The following CLASP2 variants were observed in gnomAD, a reference collection of about 807,000 sequenced individuals.
CLASP2 encodes CLIP-associating protein 2.
A neutral mutation model predicts 194.4 loss-of-function variants in CLASP2; 47 were observed. That is an observed-to-expected ratio of 0.24 (90% CI 0.19 to 0.31). CLASP2 has a LOEUF of 0.31. Among genes scored for constraint, CLASP2 ranks in the 10% least tolerant of loss-of-function variants. The pLI is 1.00. For synonymous variants in CLASP2, 619 were observed against 633.5 expected (o/e 0.98, Z 0.34); for missense variants, 1,445 against 1,823.6 (o/e 0.79, Z 3.78).
intron 32 of CLASP2, 103 bp from the exon 33 acceptor site, chr3:33,539,045 T>C: frequency 3.6e-6 from 3 of 827,236 alleles, no homozygotes; most frequent in Non-Finnish European, 5.2e-6. Context: ...GATTAGAGAA[T>C]GTATATTCTC....
At chr3:33,685,111 C>T (rs1261672365) in intron 5 of CLASP2, among the ~76,000 whole-genome samples, 1 of 151,340 alleles carries the variant, frequency 6.6e-6, no homozygotes, top group South Asian at 2.1e-4. Context: ...GAGACCAAGG[C>T]TGGCGGTTCA....
chr3:33,557,395 G>A lies in CLASP2; in HGVS notation c.3009+1912C>T, dbSNP rs2154173502. 3.3e-5 allele frequency among the ~76,000 whole-genome samples: 5 copies of A among 151,432 alleles called. No individual in the cohort carries two copies. The Middle Eastern group carries it at 0.014, about 412-fold the overall frequency. On this transcript the variant is annotated intron_variant, in intron 29 of 38. Coordinates refer to ENST00000682230, the MANE Select transcript of CLASP2 (RefSeq NM_001365631.1). ...CTTTCAATGGACAGGGTCTCACTCT[G>A]TCTCTTAAAAAAAGAGGCTCCCAGG...
chr3:33,682,745 A>C (rs566811685), intron 6 of CLASP2, among the ~76,000 whole-genome samples: 3 of 152,318 alleles, frequency 2.0e-5, no homozygotes, highest in East Asian at 3.9e-4. Flanking sequence ...TTTTTAGTTG[A>C]ACAGGTTTTA....
intron 7 of CLASP2, among the ~76,000 whole-genome samples, chr3:33,658,570 T>C (rs2084716234): frequency 6.6e-6 from 1 of 152,248 alleles, no homozygotes; most frequent in Non-Finnish European, 1.5e-5. Context: ...AGAATTCTAC[T>C]TGTGTCAAAT....
Position 33,581,945 on chromosome 3 carries a change from G to C in CLASP2, c.2240-17C>G. Reference sequence around the variant, plus strand: ...TGCTTCGGGCTGGTGTGAAGCAACAGCAGCACACACAGTAAGGGAGAAAAC... The same window carrying C: ...TGCTTCGGGCTGGTGTGAAGCAACACCAGCACACACAGTAAGGGAGAAAAC... On this transcript the variant is annotated splice_polypyrimidine_tract_variant and intron_variant, in intron 22 of 38. Coordinates refer to ENST00000682230, the MANE Select transcript of CLASP2 (RefSeq NM_001365631.1). 6.4e-7 allele frequency: 1 copy of C among 1,553,584 alleles called. No individual in the cohort carries two copies. The highest frequency in any genetic ancestry group is 1.1e-5 in the South Asian group (1 of 89,268).
chr3:33,668,054 C>T (rs938125424), intron 6 of CLASP2, among the ~76,000 whole-genome samples: 1 of 152,072 alleles, frequency 6.6e-6, no homozygotes, highest in African/African-American at 2.4e-5. Flanking sequence ...CCCGTCTCTA[C>T]TAAAAGTACA....
At chr3:33,581,444 C>T (rs1222490873) in intron 23 of CLASP2, among the ~76,000 whole-genome samples, 1 of 152,130 alleles carries the variant, frequency 6.6e-6, no homozygotes, top group African/African-American at 2.4e-5. Context: ...GTTAACATTT[C>T]CGCTGAAAAA....
At chr3:33,717,638 G>A (rs2093359461) in intron 1 of CLASP2, among the ~76,000 whole-genome samples, 170 bp downstream of exon 1, 1 of 152,112 alleles carries the variant, frequency 6.6e-6, no homozygotes, top group South Asian at 2.1e-4. Context: ...TGTTGGTCAG[G>A]CTGGTCTCGA....
intron 20 of CLASP2, among the ~76,000 whole-genome samples, chr3:33,594,404 T>C (rs533521279): frequency 6.6e-6 from 1 of 152,164 alleles, no homozygotes; most frequent in East Asian, 1.9e-4. Flanking sequence ...AAAAATTATT[T>C]TTAAGGTGAA....
intron 24 of CLASP2, among the ~76,000 whole-genome samples, chr3:33,575,789 A>G (rs2064746328): frequency 1.3e-5 from 2 of 152,130 alleles, no homozygotes; most frequent in South Asian, 4.1e-4. Context: ...TAAAATACTA[A>G]ACAAAATCCA....
intron 8 of CLASP2, among the ~76,000 whole-genome samples, chr3:33,644,172 A>G (rs141021778): frequency 3.9e-5 from 6 of 152,292 alleles, no homozygotes; most frequent in Non-Finnish European, 4.4e-5. Context: ...TTCTAATATG[A>G]TCAATGAATA....
In CLASP2 at chr3:33,560,702, C is replaced by G. The variant is rs997102415; in HGVS notation, c.2930+106G>C. On this transcript the variant is annotated intron_variant, in intron 28 of 38. Coordinates refer to ENST00000682230, the MANE Select transcript of CLASP2 (RefSeq NM_001365631.1). ...TAACAATCTTCAAACGGAATCCATG[C>G]AGTCTAAATTGTTCAAAGGGACCCA... 1.4e-5 allele frequency: 12 copies of G among 865,694 alleles called. No homozygotes were observed. The East Asian group carries it at 2.9e-4, about 21-fold the overall frequency. The allele number at this position is 865,694 out of a possible 1,614,324, so 53.6% of individuals were successfully genotyped here.
intron 10 of CLASP2, among the ~76,000 whole-genome samples, chr3:33,625,055 T>C (rs1462415306): frequency 1.3e-5 from 2 of 151,960 alleles, no homozygotes. Flanking sequence ...CATTTTAAAA[T>C]CTAACCTACA....
chr3:33,637,732 G>A (rs971961984), intron 8 of CLASP2, among the ~76,000 whole-genome samples: 4 of 152,046 alleles, frequency 2.6e-5, no homozygotes, highest in East Asian at 1.9e-4. Context: ...ACGAATCATC[G>A]TTTTTTACCC....
At chr3:33,661,827 G>C (rs551575181) in intron 7 of CLASP2, among the ~76,000 whole-genome samples, 7 of 152,294 alleles carry the variant, frequency 4.6e-5, no homozygotes, top group African/African-American at 1.7e-4. Context: ...CTAAGAAAGA[G>C]AGAATAAAAA....
chr3:33,670,474 A>G (rs965578952), intron 6 of CLASP2, among the ~76,000 whole-genome samples: 8 of 152,230 alleles, frequency 5.3e-5, no homozygotes, highest in African/African-American at 1.9e-4. Flanking sequence ...TGATTTCCAT[A>G]TGTAAGAAGC....
chr3:33,578,881 G>A (rs1433329491), intron 23 of CLASP2, among the ~76,000 whole-genome samples: 4 of 152,106 alleles, frequency 2.6e-5, no homozygotes, highest in African/African-American at 4.8e-5. Flanking sequence ...AACTTTGCTC[G>A]GCTCTAATTT....
At chr3:33,637,002 A>C (rs9867397) in intron 8 of CLASP2, among the ~76,000 whole-genome samples, 9,757 of 152,284 alleles carry the variant, frequency 0.064, 504 homozygotes, top group African/African-American at 0.15. Flanking sequence ...TAAAAGCTAT[A>C]AAAAATATTC....
At chr3:33,686,621 G>A (rs140245832) in intron 5 of CLASP2, among the ~76,000 whole-genome samples, 1 of 152,262 alleles carries the variant, frequency 6.6e-6, no homozygotes, top group African/African-American at 2.4e-5. Context: ...AGACAGTTCA[G>A]ATAAAAAAGT....
Sources: allele counts gnomAD v4.1 joint callset (sites outside exome capture counted in the v4.1 genomes callset), GRCh38; gene constraint gnomAD v4.1.1; transcripts MANE v1.5; gene names NCBI Gene and HGNC (gene_info 2026-07-23, HGNC 2026-07-21).